AVEN: variants seen among roughly 807,000 people sequenced by gnomAD.
AVEN encodes the protein apoptosis and caspase activation inhibitor, also known as cell death regulator Aven.
AVEN carries 41 observed loss-of-function variants against 38.1 expected under a neutral mutation model. The observed-to-expected ratio is 1.08, with a 90% CI of 0.84 to 1.40. AVEN has a LOEUF of 1.40. Ranked by LOEUF, AVEN falls within the 40% of genes most tolerant of loss-of-function variation. The probability of loss-of-function intolerance (pLI) is 0.00; values close to 1 mark genes in which losing one functional copy is unlikely to be tolerated. For missense variants in AVEN, 605 were observed against 438.8 expected (o/e 1.38, Z -3.38); for synonymous variants, 206 against 171.8 (o/e 1.20, Z -1.56).
At chr15:34,019,099 G>T (rs1051404850) in intron 1 of AVEN, among the ~76,000 whole-genome samples, 1 of 152,184 alleles carries the variant, frequency 6.6e-6, no homozygotes, top group Non-Finnish European at 1.5e-5. Flanking sequence ...ACAGAGTGCT[G>T]ATTGGTGCAT....
chr15:33,884,533 G>T (rs554301173), intron 2 of AVEN, among the ~76,000 whole-genome samples: 1 of 152,066 alleles, frequency 6.6e-6, no homozygotes, highest in Non-Finnish European at 1.5e-5. Context: ...TCCCAAACTG[G>T]CCTAACACAT....
intron 1 of AVEN, among the ~76,000 whole-genome samples, chr15:34,012,316 A>G (rs1177913547): frequency 6.6e-6 from 1 of 152,238 alleles, no homozygotes. Context: ...TAGAAGGCCT[A>G]TAAGTAAAAC....
At chr15:34,048,397 G>A (rs1270140364) in intron 5 of AVEN, among the ~76,000 whole-genome samples, 1 of 145,940 alleles carries the variant, frequency 6.9e-6, no homozygotes, top group Non-Finnish European at 1.5e-5. Flanking sequence ...TGACAAGGAA[G>A]GGTCCCCCAC....
chr15:33,895,673 G>C (rs932278296), intron 2 of AVEN, among the ~76,000 whole-genome samples: 1 of 152,042 alleles, frequency 6.6e-6, no homozygotes, highest in South Asian at 2.1e-4. Flanking sequence ...ATTCTAACTG[G>C]TTTACCTACC....
downstream of AVEN, chr15:33,854,317 T>A: frequency 7.6e-7 from 1 of 1,314,150 alleles, no homozygotes. Flanking sequence ...AAAAACTTAC[T>A]TTTTCCCCCT....
chr15:33,941,485 G>C (rs1313402658), intron 2 of AVEN, among the ~76,000 whole-genome samples: 1 of 152,164 alleles, frequency 6.6e-6, no homozygotes, highest in African/African-American at 2.4e-5. Flanking sequence ...ACCACCAGCT[G>C]TCTGGTCCAA....
At chr15:33,873,415 G>A (rs537394648) in intron 3 of AVEN, among the ~76,000 whole-genome samples, 1 of 149,454 alleles carries the variant, frequency 6.7e-6, no homozygotes, top group African/African-American at 2.4e-5. Context: ...CTATTGTCTT[G>A]CGTCACTGGT....
chr15:34,044,042 G>A (rs914616861), upstream of AVEN, among the ~76,000 whole-genome samples: 2 of 147,842 alleles, frequency 1.4e-5, no homozygotes, highest in African/African-American at 2.5e-5. Context: ...ACCTTCTAAT[G>A]AATCATTCAC....
At chr15:33,930,100 T>C (rs1893784355) in intron 2 of AVEN, among the ~76,000 whole-genome samples, 1 of 152,188 alleles carries the variant, frequency 6.6e-6, no homozygotes, top group South Asian at 2.1e-4. Flanking sequence ...TGTTCTAGCA[T>C]GCCATGGTAA....
At chr15:33,977,256 C>T (rs1052659752) in intron 2 of AVEN, among the ~76,000 whole-genome samples, 17 of 151,908 alleles carry the variant, frequency 1.1e-4, no homozygotes, top group African/African-American at 4.1e-4. Context: ...TTTAGGATAA[C>T]AAGAACAAGC....
intron 2 of AVEN, among the ~76,000 whole-genome samples, chr15:33,921,970 A>C (rs1057047696): frequency 2.0e-5 from 3 of 152,154 alleles, no homozygotes; most frequent in Admixed American, 6.5e-5. Flanking sequence ...ACTCCTAGTA[A>C]ATAAAGAAAG....
intron 2 of AVEN, among the ~76,000 whole-genome samples, chr15:33,915,355 T>C (rs929042870): frequency 1.3e-5 from 2 of 151,986 alleles, no homozygotes; most frequent in African/African-American, 4.8e-5. Flanking sequence ...GCCCAGAGTG[T>C]GAAAGTGTGA....
intron 2 of AVEN, among the ~76,000 whole-genome samples, chr15:33,948,213 C>T (rs1169326790): frequency 1.3e-5 from 2 of 151,464 alleles, no homozygotes; most frequent in African/African-American, 4.9e-5. Flanking sequence ...TTCTCTGCCT[C>T]GCCCTCCTGA....
intron 2 of AVEN, among the ~76,000 whole-genome samples, chr15:33,906,207 G>A (rs1219333135): frequency 1.3e-5 from 2 of 152,300 alleles, no homozygotes; most frequent in East Asian, 1.9e-4. Context: ...GAGGGAGGGA[G>A]GGGTAGGGAA....
intron 1 of AVEN, among the ~76,000 whole-genome samples, chr15:34,072,568 C>CAG (rs1900649814): frequency 6.9e-6 from 1 of 145,268 alleles, no homozygotes; most frequent in Non-Finnish European, 1.5e-5. Flanking sequence ...CAAGATCTGG[C>CAG]CACTGCACTC....
At chr15:33,902,591 A>G (rs1892535972) in intron 2 of AVEN, among the ~76,000 whole-genome samples, 1 of 152,186 alleles carries the variant, frequency 6.6e-6, no homozygotes, top group Admixed American at 6.5e-5. Flanking sequence ...TCAAACAAGA[A>G]AGAAAAGGCA....
intron 2 of AVEN, among the ~76,000 whole-genome samples, chr15:34,002,804 A>G (rs147862908): frequency 6.6e-6 from 1 of 152,316 alleles, no homozygotes; most frequent in East Asian, 1.9e-4. Flanking sequence ...CCTTTTATCT[A>G]TCGCAAAGAC....
chr15:33,865,888 G>GTGCA (rs1296174340), downstream of AVEN: 2 of 152,524 alleles, frequency 1.3e-5, no homozygotes, highest in African/African-American at 4.8e-5. Context: ...TGCACTTGAA[G>GTGCA]GTTATTCATA....
intron 2 of AVEN, among the ~76,000 whole-genome samples, chr15:33,891,433 G>A (rs374145675): frequency 1.6e-3 from 242 of 152,156 alleles, no homozygotes; most frequent in African/African-American, 5.6e-3. Context: ...CTCCCTGTCT[G>A]TGTCCAAGTG....
Sources: allele counts gnomAD v4.1 joint callset (sites outside exome capture counted in the v4.1 genomes callset), GRCh38; gene constraint gnomAD v4.1.1; transcripts MANE v1.5; gene names NCBI Gene and HGNC (gene_info 2026-07-23, HGNC 2026-07-21).